Variants in PCOLCE2 observed in about 807,000 individuals in gnomAD.
PCOLCE2 encodes the protein procollagen C-proteinase enhancer 2.
In PCOLCE2, 42 loss-of-function variants were observed where a neutral mutation model predicts 47.0. That is an observed-to-expected ratio of 0.89 (90% CI 0.70 to 1.16). The LOEUF is 1.16. Ranked by LOEUF, PCOLCE2 falls within the 50% of genes most tolerant of loss-of-function variation. PCOLCE2 has a pLI of 0.00. For synonymous variants in PCOLCE2, 169 were observed against 191.7 expected (o/e 0.88, Z 0.98); for missense variants, 500 against 526.1 (o/e 0.95, Z 0.49).
intron 2 of PCOLCE2, among the ~76,000 whole-genome samples, chr3:142,850,405 G>A (rs1439806274): frequency 1.3e-5 from 2 of 152,190 alleles, no homozygotes; most frequent in Non-Finnish European, 2.9e-5. Context: ...CACTCCCAGA[G>A]TGAATGTGGA....
At chr3:142,819,104 T>C (rs1466069087) in intron 8 of PCOLCE2, among the ~76,000 whole-genome samples, 2 of 152,212 alleles carry the variant, frequency 1.3e-5, no homozygotes, top group African/African-American at 4.8e-5. Context: ...CTACGCAAGC[T>C]TCTTGAGGGC....
At chr3:142,867,075 T>C (rs1933299149) in intron 2 of PCOLCE2, among the ~76,000 whole-genome samples, 1 of 152,186 alleles carries the variant, frequency 6.6e-6, no homozygotes, top group Admixed American at 6.5e-5. Flanking sequence ...AAGGGCTATG[T>C]GAATGACACG....
At chr3:142,818,859 G>T (rs1246542530) in intron 8 of PCOLCE2, among the ~76,000 whole-genome samples, 1 of 152,232 alleles carries the variant, frequency 6.6e-6, no homozygotes, top group Non-Finnish European at 1.5e-5. Context: ...GCCATGTCCC[G>T]CTCTGCAGTG....
chr3:142,826,954 G>C lies in PCOLCE2; in HGVS notation c.865+2738C>G. ...TTCAAAAAGACGGAAGTTTCTAGAG[G>C]GTTAATCTCCGCGCCTCTCCTCCTC... is the stretch of plus-strand genomic sequence containing the variant. On this transcript the variant is annotated intron_variant, in intron 6 of 8. Coordinates refer to ENST00000295992, the MANE Select transcript of PCOLCE2 (RefSeq NM_013363.4). 5 of 492,962 alleles carry C rather than the reference G, an allele frequency of 1.0e-5. No individual in the cohort carries two copies. In the South Asian group the frequency reaches 1.0e-4, roughly 10 times the overall value. The allele number at this position is 492,962 out of a possible 1,614,324, so 30.5% of individuals were successfully genotyped here. A position where few individuals can be genotyped will look rare whatever the true frequency, so the allele number is the denominator to read the frequency against.
At chr3:142,875,810 C>G (rs529626279) in intron 2 of PCOLCE2, among the ~76,000 whole-genome samples, 6 of 152,132 alleles carry the variant, frequency 3.9e-5, no homozygotes, top group African/African-American at 1.2e-4. Context: ...CCCTCCTCCC[C>G]GCTTCACATC....
rs540519435 is a variant in PCOLCE2, at chr3:142,832,549, A to G, written c.711-2703T>C. Among the ~76,000 whole-genome samples the G allele has an allele frequency of 3.3e-4, 50 of 152,266 alleles. No individual in the cohort carries two copies. In the South Asian group the frequency reaches 8.1e-3, roughly 25 times the overall value. On this transcript the variant is annotated intron_variant, in intron 5 of 8. Transcript: ENST00000295992. ...TTCAAGACTCATCTTCGAGAGGCACAATCTCCTTTCAAAAGCTTTCCCTGA... is the reference window on the plus strand; with the variant it reads ...TTCAAGACTCATCTTCGAGAGGCACGATCTCCTTTCAAAAGCTTTCCCTGA...
intron 2 of PCOLCE2, among the ~76,000 whole-genome samples, chr3:142,882,323 G>A (rs952066201): frequency 6.6e-6 from 1 of 152,054 alleles, no homozygotes; most frequent in Non-Finnish European, 1.5e-5. Flanking sequence ...TGGGATTACA[G>A]GTGTGAGCCA....
At chr3:142,827,727 TGGGTGACTC>T in intron 6 of PCOLCE2, 2 of 825,060 alleles carry the variant, frequency 2.4e-6, no homozygotes, top group Non-Finnish European at 4.0e-6. Flanking sequence ...TTGTGGATGA[TGGGTGACTC>T]TTAAATTTAA....
chr3:142,826,253 C>T (rs559584662), intron 6 of PCOLCE2, among the ~76,000 whole-genome samples: 5 of 152,096 alleles, frequency 3.3e-5, no homozygotes, highest in Non-Finnish European at 5.9e-5. Context: ...ATGATCCACC[C>T]GCCTCGGCCT....
intron 2 of PCOLCE2, among the ~76,000 whole-genome samples, chr3:142,879,864 G>C (rs1933575969): frequency 2.0e-5 from 3 of 151,682 alleles, no homozygotes; most frequent in Admixed American, 2.0e-4. Flanking sequence ...CCAGCTACTG[G>C]GGAGGCTGAG....
chr3:142,851,013 G>T lies in PCOLCE2; in HGVS notation c.193-2541C>A, dbSNP rs548996866. Among the ~76,000 whole-genome samples the T allele has an allele frequency of 1.6e-3, 251 of 152,314 alleles. 1 individual carries two copies. Among genetic ancestry groups the T allele is most frequent in the African/African-American group, 4.9e-3 (204 of 41,574 alleles). ...CAGCTGGTGGAGTTGGCCTTAGTAGGAGCAGGGACAGTTTTGCCCAATGAC... is the reference window on the plus strand; with the variant it reads ...CAGCTGGTGGAGTTGGCCTTAGTAGTAGCAGGGACAGTTTTGCCCAATGAC... On this transcript the variant is annotated intron_variant, in intron 2 of 8. Transcript: ENST00000295992.
At chr3:142,884,188 A>C (rs534358670) in intron 2 of PCOLCE2, among the ~76,000 whole-genome samples, 1 of 152,168 alleles carries the variant, frequency 6.6e-6, no homozygotes, top group Non-Finnish European at 1.5e-5. Context: ...CTGCAGAAGA[A>C]CCACTGTAAT....
chr3:142,855,404 CACAAGTACAGG>C (rs1203747970), intron 2 of PCOLCE2, among the ~76,000 whole-genome samples: 5 of 152,212 alleles, frequency 3.3e-5, no homozygotes, highest in Admixed American at 6.5e-5. Flanking sequence ...AATGTAAACT[CACAAGTACAGG>C]GCAAGTATTA....
rs543809203 is a variant in PCOLCE2, at chr3:142,821,428, G to A, written c.950-383C>T. 3.3e-5 allele frequency among the ~76,000 whole-genome samples: 5 copies of A among 152,260 alleles called. No individual in the cohort carries two copies. The East Asian group carries it at 5.8e-4, about 18-fold the overall frequency. ...CTTGTATCTTTAGAGGCAGTACCAC[G>A]CTAAAAGATTGCGCGATGGGGGTTT... is the stretch of plus-strand genomic sequence containing the variant. On this transcript the variant is annotated intron_variant, in intron 7 of 8. Transcript: ENST00000295992.
chr3:142,820,589 A>C (rs184993496), intron 8 of PCOLCE2, among the ~76,000 whole-genome samples: 1 of 152,168 alleles, frequency 6.6e-6, no homozygotes, highest in Non-Finnish European at 1.5e-5. Context: ...CAGTACTGGC[A>C]TCTTAAGTGC....
Position 142,821,012 on chromosome 3 carries a change from C to G in PCOLCE2, c.983G>C (p.Arg328Pro), listed in dbSNP as rs139771484. The G allele has an allele frequency of 6.2e-7, 1 of 1,612,856 alleles. No homozygotes were observed. Among genetic ancestry groups the G allele is most frequent in the African/African-American group, 1.3e-5 (1 of 74,876 alleles). Residue 328 changes from arginine (R) to proline (P), a missense_variant, in exon 8 of 9, where the codon CGC becomes CCC. Transcript: ENST00000295992. ...GACTGTGGCGTGCAAACTCCCATCG[C>G]GAGTGATGGTTGTGATAACAGTGCC... ...LAGTVITTIT[R>P]DGSLHATVSI...
chr3:142,823,488 C>T (rs1259257777), intron 7 of PCOLCE2, 44 bp downstream of exon 7: 2 of 1,163,226 alleles, frequency 1.7e-6, no homozygotes, highest in Admixed American at 1.8e-5. Context: ...CATGCAGCCT[C>T]AAGTTTCTGG....
intron 5 of PCOLCE2, among the ~76,000 whole-genome samples, chr3:142,831,498 T>C (rs751096427): frequency 3.6e-4 from 55 of 152,342 alleles, no homozygotes; most frequent in African/African-American, 1.2e-3. Context: ...TATTCTGTTA[T>C]AGGCAACACA....
At chr3:142,861,509 T>C (rs972676864) in intron 2 of PCOLCE2, among the ~76,000 whole-genome samples, 3 of 152,192 alleles carry the variant, frequency 2.0e-5, no homozygotes, top group African/African-American at 7.2e-5. Context: ...TTTATCTCTA[T>C]TATCAAGTTT....
Sources: gnomAD v4.1 joint callset for allele counts (sites outside exome capture counted in the v4.1 genomes callset) on GRCh38, gnomAD v4.1.1 for gene constraint, MANE v1.5 for transcripts, NCBI Gene and HGNC (gene_info 2026-07-23, HGNC 2026-07-21) for gene names.